SHANK2: variants seen among roughly 807,000 people sequenced by gnomAD.
SHANK2 encodes SH3 and multiple ankyrin repeat domains 2, also known as SH3 and multiple ankyrin repeat domains protein 2.
A neutral mutation model predicts 133.7 loss-of-function variants in SHANK2; 43 were observed. The ratio of observed to expected loss-of-function variants is 0.32; its 90% CI spans 0.25 to 0.41. The LOEUF (loss-of-function observed/expected upper bound fraction) is 0.41. Among genes scored for constraint, SHANK2 ranks in the 10% least tolerant of loss-of-function variants. The pLI is 1.00. For synonymous variants in SHANK2, 1,017 were observed against 952.8 expected, an observed-to-expected ratio of 1.07 and a Z score of -1.24; for missense variants, 1,994 against 2,235.8, an observed-to-expected ratio of 0.89 and a Z score of 2.18.
At chr11:71,187,697 G>T (rs1555114693) in intron 2 of SHANK2, among the ~76,000 whole-genome samples, 1 of 152,188 alleles carries the variant, frequency 6.6e-6, no homozygotes, top group Admixed American at 6.5e-5. Flanking sequence ...TACTTGGTGG[G>T]TTTCTCTTGT....
chr11:70,581,089 A>G (rs1554985332), intron 17 of SHANK2, among the ~76,000 whole-genome samples: 1 of 152,230 alleles, frequency 6.6e-6, no homozygotes. Flanking sequence ...AGGCACCTGG[A>G]CCAAGAATAG....
intron 17 of SHANK2, among the ~76,000 whole-genome samples, chr11:70,515,600 G>C (rs1046352183): frequency 1.5e-5 from 2 of 137,124 alleles, no homozygotes; most frequent in Non-Finnish European, 3.1e-5. Flanking sequence ...CCAGGAGTTT[G>C]AGACCTGCTG....
At chr11:70,931,032 C>T (rs1263098952) in intron 10 of SHANK2, among the ~76,000 whole-genome samples, 2 of 152,092 alleles carry the variant, frequency 1.3e-5, no homozygotes, top group Non-Finnish European at 2.9e-5. Flanking sequence ...CAAAATTCAG[C>T]CATGAAAGGG....
intron 9 of SHANK2, among the ~76,000 whole-genome samples, chr11:71,069,161 C>A (rs1484340477): frequency 6.6e-6 from 1 of 151,012 alleles, no homozygotes; most frequent in African/African-American, 2.4e-5. Flanking sequence ...ACCATGACCA[C>A]CCTCACCACC....
intron 2 of SHANK2, among the ~76,000 whole-genome samples, chr11:71,212,705 G>T (rs1433244697): frequency 6.6e-6 from 1 of 152,170 alleles, no homozygotes; most frequent in African/African-American, 2.4e-5. Flanking sequence ...GTCCTCAAAG[G>T]GTTCCAGCAG....
chr11:70,750,191 T>C (rs1946724536), intron 14 of SHANK2, among the ~76,000 whole-genome samples: 1 of 152,226 alleles, frequency 6.6e-6, no homozygotes, highest in Non-Finnish European at 1.5e-5. Context: ...TCCCTTGGGC[T>C]GTCACCTGGC....
intron 15 of SHANK2, among the ~76,000 whole-genome samples, chr11:70,667,628 G>C (rs1400478553): frequency 1.3e-5 from 2 of 152,224 alleles, no homozygotes; most frequent in Non-Finnish European, 1.5e-5. Flanking sequence ...GCAGGTGCCA[G>C]TGATGACAGT....
intron 13 of SHANK2, among the ~76,000 whole-genome samples, chr11:70,803,435 G>C (rs1948097525): frequency 1.9e-4 from 1 of 5,300 alleles, no homozygotes; most frequent in Admixed American, 1.8e-3. Context: ...CAAGCACTGT[G>C]TCACATGCTT....
intron 14 of SHANK2, among the ~76,000 whole-genome samples, chr11:70,796,058 A>G (rs1947903025): frequency 6.6e-6 from 1 of 152,146 alleles, no homozygotes; most frequent in Non-Finnish European, 1.5e-5. Context: ...CAGTAAACAC[A>G]AACACAAACC....
In SHANK2 at chr11:70,926,933, G is replaced by T. The variant is rs1013968467; in HGVS notation, c.1108-30366C>A. On this transcript the variant is annotated intron_variant, in intron 10 of 25. Transcript: ENST00000601538. ...GTCTGACCCACTCGAGCTGGAGGAG[G>T]CATCTGATCCTTACTTACCAATAAC... Among the ~76,000 whole-genome samples, 9 of 152,172 alleles carry T rather than the reference G, an allele frequency of 5.9e-5. 1 individual carries two copies. Among genetic ancestry groups the T allele is most frequent in the African/African-American group, 2.2e-4 (9 of 41,440 alleles).
At chr11:70,625,922 C>T (rs782038024) in intron 17 of SHANK2, among the ~76,000 whole-genome samples, 2 of 151,594 alleles carry the variant, frequency 1.3e-5, no homozygotes, top group Non-Finnish European at 2.9e-5. Flanking sequence ...CCATGGCAAC[C>T]ACCAGGCCAG....
At chr11:70,751,103 C>T (rs1051383607) in intron 14 of SHANK2, among the ~76,000 whole-genome samples, 7 of 152,012 alleles carry the variant, frequency 4.6e-5, no homozygotes, top group Non-Finnish European at 8.8e-5. Context: ...CAAATAGTGA[C>T]CTTGAAGACA....
At chr11:71,063,639 C>G (rs2135940828) in intron 9 of SHANK2, among the ~76,000 whole-genome samples, 1 of 152,298 alleles carries the variant, frequency 6.6e-6, no homozygotes, top group East Asian at 1.9e-4. Flanking sequence ...CTGGTGGGAG[C>G]TTTTGGCTCC....
intron 8 of SHANK2, among the ~76,000 whole-genome samples, chr11:71,086,826 C>G: frequency 6.6e-6 from 1 of 152,166 alleles, no homozygotes; most frequent in Non-Finnish European, 1.5e-5. Flanking sequence ...CTTATCTGCT[C>G]CGTCCCTTAT....
At chr11:70,641,706 C>T (rs189534708) in intron 17 of SHANK2, among the ~76,000 whole-genome samples, 7 of 152,348 alleles carry the variant, frequency 4.6e-5, no homozygotes, top group Non-Finnish European at 5.9e-5. Flanking sequence ...GCTGCCTGCC[C>T]GACTTGAGAG....
At chr11:70,806,112 C>T (rs782594743) in intron 13 of SHANK2, among the ~76,000 whole-genome samples, 4 of 152,202 alleles carry the variant, frequency 2.6e-5, no homozygotes, top group African/African-American at 7.2e-5. Context: ...CTGGGGAAGG[C>T]GGGATTTGAA....
At chr11:70,662,001 A>G in intron 15 of SHANK2, 1 of 589,790 alleles carries the variant, frequency 1.7e-6, no homozygotes. Context: ...GGGGCTGGCC[A>G]GGACGCCGCC....
intron 17 of SHANK2, among the ~76,000 whole-genome samples, chr11:70,648,909 T>C (rs1012489262): frequency 1.3e-5 from 2 of 152,140 alleles, no homozygotes; most frequent in African/African-American, 4.8e-5. Context: ...ATGGGGCATG[T>C]GCAGGAAGTG....
At position 70,473,075 on chromosome 11, in the gene SHANK2, G is replaced by T; in HGVS notation, c.5344C>A (p.Pro1782Thr). The T allele has an allele frequency of 6.2e-7, 1 of 1,614,248 alleles. No individual in the cohort carries two copies. Among genetic ancestry groups the T allele is most frequent in the Non-Finnish European group, 8.5e-7 (1 of 1,180,046 alleles). ...PISNKPFTTK[P>T]VHLWTKPDVA... ...TCTGGTTTAGTCCACAGGTGGACAG[G>T]TTTAGTTGTAAAAGGCTTATTTGAG... Residue 1782 changes from proline to threonine, a missense_variant, in exon 26 of 26, where the codon CCT (proline) becomes ACT (threonine). Pro to Thr is a conservative substitution (Grantham distance 38, BLOSUM62 -1). Transcript: ENST00000601538. The surrounding 1 kb of genome is among the most constrained non-coding windows in gnomAD (Gnocchi z 5.9).
Sources: allele counts gnomAD v4.1 joint callset (sites outside exome capture counted in the v4.1 genomes callset), GRCh38; gene constraint gnomAD v4.1.1; non-coding constraint Gnocchi (gnomAD v3.1); transcripts MANE v1.5; gene names NCBI Gene and HGNC (gene_info 2026-07-23, HGNC 2026-07-21).